Variants in FXN observed in about 807,000 individuals in gnomAD.
FXN encodes frataxin.
A neutral mutation model predicts 22.4 loss-of-function variants in FXN; 14 were observed. The ratio of observed to expected loss-of-function variants is 0.62; its 90% CI spans 0.41 to 0.98. The LOEUF is 0.98. FXN is among the 50% of genes least tolerant of loss of function. FXN has a pLI of 0.00. For synonymous variants in FXN, 120 were observed against 114.1 expected, an observed-to-expected ratio of 1.05 and a Z score of -0.33; for missense variants, 267 against 268.4, an observed-to-expected ratio of 0.99 and a Z score of 0.04.
In FXN at chr9:69,046,105, G is replaced by A. The variant is rs546872015; in HGVS notation, c.166-280G>A. 2.6e-5 allele frequency among the ~76,000 whole-genome samples: 4 copies of A among 152,306 alleles called. No individual in the cohort carries two copies. In the South Asian group the frequency reaches 6.2e-4, roughly 24 times the overall value. ...GATCTGTGCTCTGGAAGAGCATACAGTTAGAAAAGCTTGCCCTGAAGGGAA... is the reference window on the plus strand; with the variant it reads ...GATCTGTGCTCTGGAAGAGCATACAATTAGAAAAGCTTGCCCTGAAGGGAA... On this transcript the variant is annotated intron_variant, in intron 1 of 4. Coordinates refer to ENST00000484259, the MANE Select transcript of FXN (RefSeq NM_000144.5).
At chr9:69,051,374 A>C (rs1831846871) in intron 2 of FXN, among the ~76,000 whole-genome samples, 1 of 150,578 alleles carries the variant, frequency 6.6e-6, no homozygotes, top group Non-Finnish European at 1.5e-5. Context: ...GAGCCACTGC[A>C]CCCAGCCCAT....
chr9:69,063,680 TTTTTG>T (rs1207370273), intron 3 of FXN, among the ~76,000 whole-genome samples: 2 of 151,886 alleles, frequency 1.3e-5, no homozygotes, highest in Non-Finnish European at 2.9e-5. Flanking sequence ...TTTTTTGGGT[TTTTTG>T]TTTTGTTTTG....
At chr9:69,067,524 C>T (rs1263074820) in intron 4 of FXN, among the ~76,000 whole-genome samples, 3 of 152,208 alleles carry the variant, frequency 2.0e-5, no homozygotes, top group Non-Finnish European at 2.9e-5. Flanking sequence ...CAGTTGGAGC[C>T]TGCACCCGCC....
intron 1 of FXN, among the ~76,000 whole-genome samples, chr9:69,038,032 T>C (rs1164511771): frequency 6.6e-6 from 1 of 152,240 alleles, no homozygotes; most frequent in African/African-American, 2.4e-5. Flanking sequence ...TTAAGGGCTA[T>C]TGACTGACAA....
Position 69,073,255 on chromosome 9 carries a change from C to T in FXN, c.*493C>T, listed in dbSNP as rs1013491588. Reference sequence around the variant, plus strand: ...GGCTTCTTTCAAAGTGTAAGCACTTCTGAGCTCTTTAGCATTGAAGTGTCG... The same window carrying T: ...GGCTTCTTTCAAAGTGTAAGCACTTTTGAGCTCTTTAGCATTGAAGTGTCG... On this transcript the variant is annotated 3_prime_UTR_variant, in exon 5 of 5. Coordinates refer to ENST00000484259, the MANE Select transcript of FXN (RefSeq NM_000144.5). The T allele has an allele frequency of 1.4e-5, 14 of 1,025,268 alleles. No homozygotes were observed. Among genetic ancestry groups the T allele is most frequent in the African/African-American group, 1.7e-5 (1 of 57,878 alleles). 63.5% of individuals were successfully genotyped at this position (1,025,268 alleles called of 1,614,324 possible).
intron 3 of FXN, among the ~76,000 whole-genome samples, chr9:69,059,271 G>C (rs892107183): frequency 6.6e-6 from 1 of 151,114 alleles, no homozygotes; most frequent in Non-Finnish European, 1.5e-5. Context: ...TAAGGAGGCA[G>C]TTTTAGCTAC....
rs761092024 is a variant in FXN, at chr9:69,074,757, T to C, written c.*1995T>C. On this transcript the variant is annotated 3_prime_UTR_variant, in exon 5 of 5. Transcript: ENST00000484259. ...TCTTAAAAAAAGAAAAAAAAACCTATTAATAATAAAACAGTATAAACAAAA... is the reference window on the plus strand; with the variant it reads ...TCTTAAAAAAAGAAAAAAAAACCTACTAATAATAAAACAGTATAAACAAAA... 167 of 887,110 alleles carry C rather than the reference T, an allele frequency of 1.9e-4. No homozygotes were observed. Among genetic ancestry groups the C allele is most frequent in the Admixed American group, 2.5e-4 (4 of 16,116 alleles). The allele number at this position is 887,110 out of a possible 1,614,324, so 55.0% of individuals were successfully genotyped here. A position where few individuals can be genotyped will look rare whatever the true frequency, so the allele number is the denominator to read the frequency against.
intron 3 of FXN, among the ~76,000 whole-genome samples, chr9:69,054,242 C>G (rs55681459): frequency 0.027 from 4,069 of 152,202 alleles, 185 homozygotes; most frequent in African/African-American, 0.092. Context: ...TCAAATGGTC[C>G]ACCCCCATCA....
At chr9:69,065,971 C>T (rs1832159176) in intron 4 of FXN, among the ~76,000 whole-genome samples, 1 of 152,132 alleles carries the variant, frequency 6.6e-6, no homozygotes, top group Admixed American at 6.5e-5. Flanking sequence ...GCATTTAATC[C>T]CTCCTGCCTT....
intron 2 of FXN, among the ~76,000 whole-genome samples, chr9:69,048,271 C>T (rs1831794885): frequency 6.6e-6 from 1 of 152,158 alleles, no homozygotes; most frequent in Non-Finnish European, 1.5e-5. Flanking sequence ...GGACTGAGTC[C>T]CTTGTTTTGG....
At chr9:69,069,027 C>T (rs1231843939) in intron 4 of FXN, among the ~76,000 whole-genome samples, 5 of 152,226 alleles carry the variant, frequency 3.3e-5, no homozygotes, top group African/African-American at 1.2e-4. Context: ...AACCGCAGAG[C>T]TGCCTGACCA....
At chr9:69,037,633 C>G (rs1255867161) in intron 1 of FXN, among the ~76,000 whole-genome samples, 1 of 152,176 alleles carries the variant, frequency 6.6e-6, no homozygotes, top group African/African-American at 2.4e-5. Context: ...GGCTTCCACC[C>G]CTGCCTGTGT....
At chr9:69,048,833 T>G (rs1304700072) in intron 2 of FXN, among the ~76,000 whole-genome samples, 1 of 152,228 alleles carries the variant, frequency 6.6e-6, no homozygotes, top group Admixed American at 6.5e-5. Flanking sequence ...AGACTCAGAT[T>G]TCCAGAGGGC....
chr9:69,068,826 G>A (rs1832220947), intron 4 of FXN, among the ~76,000 whole-genome samples: 2 of 152,200 alleles, frequency 1.3e-5, no homozygotes, highest in South Asian at 4.1e-4. Flanking sequence ...CTCTGTTCGA[G>A]GGTTCCAAAT....
intron 1 of FXN, among the ~76,000 whole-genome samples, chr9:69,040,404 C>T (rs1170408838): frequency 6.6e-6 from 1 of 152,162 alleles, no homozygotes; most frequent in Non-Finnish European, 1.5e-5. Context: ...CGCGGTGGCT[C>T]ACGCCTGTAA....
Position 69,064,858 on chromosome 9 carries a change from A to G in FXN, c.385-80A>G, listed in dbSNP as rs558968178. 199 of 815,792 alleles carry G rather than the reference A, an allele frequency of 2.4e-4. No individual in the cohort carries two copies. In the African/African-American group the frequency reaches 3.0e-3, roughly 12 times the overall value. 50.5% of individuals were successfully genotyped at this position (815,792 alleles called of 1,614,324 possible). On this transcript the variant is annotated intron_variant, in intron 3 of 4. Transcript: ENST00000484259. Reference sequence around the variant, plus strand: ...TGTAGAAATGGAAAGTGTTGAGATAAAACATGAAGCAATGATGACAAAGTG... The same window carrying G: ...TGTAGAAATGGAAAGTGTTGAGATAGAACATGAAGCAATGATGACAAAGTG...
In FXN at chr9:69,072,660, C is replaced by T. The variant is rs769666460; in HGVS notation, c.531C>T (p.His177=). 14 of 1,614,050 alleles carry T rather than the reference C, an allele frequency of 8.7e-6. No homozygotes were observed. Among genetic ancestry groups the T allele is most frequent in the Admixed American group, 8.3e-5 (5 of 59,996 alleles). ...CTGGGAAAAACTGGGTGTACTCCCA[C>T]GACGGCGTGTCCCTCCATGAGCTGC... ...DWTGKNWVYS[H]DGVSLHELLA... Residue 177 remains histidine (H), a synonymous_variant, in exon 5 of 5, where the codon CAC becomes CAT. Coordinates refer to ENST00000484259, the MANE Select transcript of FXN (RefSeq NM_000144.5).
chr9:69,071,244 C>A (rs1433366956), intron 4 of FXN: 1 of 519,006 alleles, frequency 1.9e-6, no homozygotes, highest in East Asian at 5.4e-5. Flanking sequence ...TAGTCCTTTT[C>A]CTGTGACCCT....
At chr9:69,043,200 C>T (rs572459794) in intron 1 of FXN, among the ~76,000 whole-genome samples, 2 of 152,282 alleles carry the variant, frequency 1.3e-5, no homozygotes, top group Non-Finnish European at 2.9e-5. Context: ...TTTCAGCTGT[C>T]ATAGTGTAAA....
Sources: allele counts gnomAD v4.1 joint callset (sites outside exome capture counted in the v4.1 genomes callset), GRCh38; gene constraint gnomAD v4.1.1; transcripts MANE v1.5; gene names NCBI Gene and HGNC (gene_info 2026-07-23, HGNC 2026-07-21).